The following HDX variants were observed in gnomAD, a reference collection of about 807,000 sequenced individuals.
The protein encoded by HDX is chromosome X open reading frame 43.
A neutral mutation model predicts 45.2 loss-of-function variants in HDX; 19 were observed. The ratio of observed to expected loss-of-function variants is 0.42; its 90% CI spans 0.29 to 0.62. The LOEUF (loss-of-function observed/expected upper bound fraction) is 0.62. HDX is among the 20% of genes least tolerant of loss of function. The pLI is 0.20. For missense variants in HDX, 532 were observed against 493.9 expected (o/e 1.08, Z -0.73); for synonymous variants, 188 against 172.8 (o/e 1.09, Z -0.69).
intron 5 of HDX, among the ~76,000 whole-genome samples, chrX:84,377,694 C>T (rs1489959092): frequency 2.7e-5 from 3 of 109,842 alleles, no homozygotes; most frequent in Non-Finnish European, 5.7e-5. Context: ...TTTAATAATA[C>T]ACAGTCAGAG....
intron 4 of HDX, among the ~76,000 whole-genome samples, chrX:84,459,374 A>G (rs1202110986): frequency 1.8e-5 from 2 of 110,079 alleles, no homozygotes; most frequent in Non-Finnish European, 3.8e-5. Flanking sequence ...CCCGGGAGGC[A>G]GAGCGTGCAG....
At chrX:84,339,623 A>G (rs1233017576) in intron 7 of HDX, among the ~76,000 whole-genome samples, 1 of 111,687 alleles carries the variant, frequency 9.0e-6, no homozygotes, top group Non-Finnish European at 1.9e-5. Context: ...TCTAAACACT[A>G]TCTACGTGCC....
intron 5 of HDX, among the ~76,000 whole-genome samples, chrX:84,425,949 ATAACT>A (rs1249409892): frequency 2.7e-5 from 3 of 109,409 alleles, no homozygotes; most frequent in African/African-American, 1.0e-4. Context: ...TTATTTTGAA[ATAACT>A]TAAGGAGTAT....
chrX:84,468,967 G>A lies in HDX; in HGVS notation c.756C>T (p.Asp252=). The part of the protein sequence containing the change: ...NLCGQKPTIR[D]PYCRTQNLEI... ...CCAAGTTTTGTGTTCTACAGTAAGG[G>A]TCTCTAATAGTTGGCTTTTGCCCAC... Residue 252 remains aspartate (D), a synonymous_variant, in exon 4 of 11, where the codon GAC becomes GAT. Coordinates refer to ENST00000373177, the MANE Select transcript of HDX (RefSeq NM_001177479.2). The A allele has an allele frequency of 8.3e-7, 1 of 1,211,668 alleles. No individual in the cohort carries two copies. Among genetic ancestry groups the A allele is most frequent in the Non-Finnish European group, 1.1e-6 (1 of 895,460 alleles).
chrX:84,427,168 A>G (rs1464586115), intron 5 of HDX, among the ~76,000 whole-genome samples: 1 of 110,955 alleles, frequency 9.0e-6, no homozygotes, highest in East Asian at 2.8e-4. Context: ...CACCTACAGT[A>G]CTTGTTAATT....
At chrX:84,356,279 T>C (rs1306335834) in intron 6 of HDX, among the ~76,000 whole-genome samples, 1 of 111,805 alleles carries the variant, frequency 8.9e-6, no homozygotes, top group African/African-American at 3.3e-5. Context: ...TTACCATATG[T>C]TACAGAAGAG....
At chrX:84,389,159 T>C (rs1204874485) in intron 5 of HDX, among the ~76,000 whole-genome samples, 2 of 112,240 alleles carry the variant, frequency 1.8e-5, no homozygotes, top group Non-Finnish European at 3.8e-5. Context: ...AATAGCCACA[T>C]GACTCCTTTG....
intron 6 of HDX, among the ~76,000 whole-genome samples, chrX:84,353,953 C>A (rs887080909): frequency 9.0e-6 from 1 of 111,566 alleles, no homozygotes; most frequent in Non-Finnish European, 1.9e-5. Context: ...TGCTTCAGAT[C>A]TTCTTCACCC....
intron 1 of HDX, among the ~76,000 whole-genome samples, chrX:84,497,818 A>G (rs1384644410): frequency 9.0e-6 from 1 of 110,909 alleles, no homozygotes; most frequent in East Asian, 2.8e-4. Context: ...TATACCTGGT[A>G]GCTTAACAGT....
chrX:84,326,400 G>A (rs1489812764), intron 9 of HDX, 100 bp from the exon 10 acceptor site: 13 of 576,442 alleles, frequency 2.3e-5, no homozygotes, highest in East Asian at 1.1e-4. Context: ...CAAATTAGAA[G>A]GACAATAAAG....
intron 5 of HDX, among the ~76,000 whole-genome samples, chrX:84,368,618 T>C (rs1045237477): frequency 1.8e-5 from 2 of 111,983 alleles, no homozygotes; most frequent in Non-Finnish European, 3.8e-5. Context: ...TTATAAATGC[T>C]TTTCAACGTA....
At chrX:84,441,707 G>A (rs943737539) in intron 4 of HDX, among the ~76,000 whole-genome samples, 9 of 111,394 alleles carry the variant, frequency 8.1e-5, no homozygotes, top group South Asian at 7.3e-4. Context: ...GCAATCTTGA[G>A]GAGATATTTC....
intron 5 of HDX, among the ~76,000 whole-genome samples, chrX:84,369,620 T>C (rs1396652357): frequency 8.9e-6 from 1 of 112,134 alleles, no homozygotes; most frequent in East Asian, 2.8e-4. Context: ...CACCTCTGTG[T>C]GTTTTTACAG....
At chrX:84,422,516 TAATTA>T (rs1206106007) in intron 5 of HDX, among the ~76,000 whole-genome samples, 1 of 110,539 alleles carries the variant, frequency 9.0e-6, no homozygotes, top group Non-Finnish European at 1.9e-5. Flanking sequence ...GAATAAACAT[TAATTA>T]AATTAAAGTG....
chrX:84,356,158 T>C (rs2037478390), intron 6 of HDX, among the ~76,000 whole-genome samples: 1 of 111,837 alleles, frequency 8.9e-6, no homozygotes, highest in Non-Finnish European at 1.9e-5. Flanking sequence ...GTGAAGTTCA[T>C]TTTGGTGATT....
chrX:84,374,490 T>C (rs183591666), intron 5 of HDX, among the ~76,000 whole-genome samples: 12,014 of 108,812 alleles, frequency 0.11, 618 homozygotes, highest in East Asian at 0.27. Flanking sequence ...ATAGGCATCA[T>C]GCTACCTGAC....
chrX:84,390,527 T>C (rs1457459799), intron 5 of HDX, among the ~76,000 whole-genome samples: 1 of 111,742 alleles, frequency 8.9e-6, no homozygotes, highest in East Asian at 2.8e-4. Context: ...ACCCCTAGAA[T>C]GGATTTAAGA....
chrX:84,445,778 T>C (rs2039859450), intron 4 of HDX, among the ~76,000 whole-genome samples: 1 of 111,912 alleles, frequency 8.9e-6, no homozygotes, highest in African/African-American at 3.2e-5. Flanking sequence ...GTTTCAATGC[T>C]ACAACTTTTG....
rs1365799432 is a variant in HDX, at chrX:84,347,681, C to T, written c.1453-3224G>A. Among the ~76,000 whole-genome samples, 7 of 111,462 alleles carry T rather than the reference C, an allele frequency of 6.3e-5. No individual in the cohort carries two copies. The Admixed American group carries it at 6.7e-4, about 11-fold the overall frequency. On this transcript the variant is annotated intron_variant, in intron 6 of 10. Coordinates refer to ENST00000373177, the MANE Select transcript of HDX (RefSeq NM_001177479.2). ...TGTCTGAAAAAGTCTATTTCTCCTT[C>T]ACATTTGAAGGATAATTTCACTGAG...
Sources: allele counts gnomAD v4.1 joint callset (sites outside exome capture counted in the v4.1 genomes callset), GRCh38; gene constraint gnomAD v4.1.1; transcripts MANE v1.5; gene names NCBI Gene and HGNC (gene_info 2026-07-23, HGNC 2026-07-21).